Variants in ZNF34 observed in about 807,000 individuals in gnomAD.
The protein encoded by ZNF34 is zinc finger protein 34.
In ZNF34, 8 loss-of-function variants were observed where a neutral mutation model predicts 14.4. The observed-to-expected ratio is 0.55, with a 90% CI of 0.33 to 1.00. The LOEUF is 1.00. Among genes scored for constraint, ZNF34 ranks in the 50% least tolerant of loss-of-function variants. The pLI, the probability that ZNF34 is intolerant of heterozygous loss-of-function variation, is 0.03. For missense variants in ZNF34, 538 were observed against 674.2 expected (o/e 0.80, Z 2.24); for synonymous variants, 235 against 247.9 (o/e 0.95, Z 0.49).
intron 1 of ZNF34, among the ~76,000 whole-genome samples, chr8:144,780,807 A>T (rs1416898291): frequency 6.6e-6 from 1 of 151,570 alleles, no homozygotes; most frequent in Non-Finnish European, 1.5e-5. Context: ...AGAAAAGCAA[A>T]GAAAGCGAAA....
At chr8:144,774,803 TC>T (rs1226256245) in intron 5 of ZNF34, among the ~76,000 whole-genome samples, 198 bp from the exon 6 acceptor site, 3 of 152,124 alleles carry the variant, frequency 2.0e-5, no homozygotes, top group South Asian at 2.1e-4. Flanking sequence ...AAACATTCAC[TC>T]CTTCCTTCCT....
Position 144,777,949 on chromosome 8 carries a change from G to T in ZNF34, c.160+89C>A. The T allele has an allele frequency of 6.4e-7, 1 of 1,552,344 alleles. No homozygotes were observed. The highest frequency in any genetic ancestry group is 8.8e-7 in the Non-Finnish European group (1 of 1,142,760). ...GGGATAAAGGTCATCACCTATCTGT[G>T]CCCAGGGGGTGAGGCCCCTAGCCCA... On this transcript the variant is annotated intron_variant, in intron 4 of 5. Coordinates refer to ENST00000429371, the MANE Select transcript of ZNF34 (RefSeq NM_001286769.2). This position sits in a 1 kb window ranked among gnomAD's most constrained non-coding sequence, Gnocchi z 4.8.
At chr8:144,776,583 C>T (rs1008945539) in intron 5 of ZNF34, among the ~76,000 whole-genome samples, 8 of 145,488 alleles carry the variant, frequency 5.5e-5, no homozygotes, top group African/African-American at 7.7e-5. Context: ...GGTGACAGAG[C>T]GAGACTCTGT....
At chr8:144,778,275 A>G in intron 3 of ZNF34, 111 bp from the exon 4 acceptor site, 2 of 1,474,850 alleles carry the variant, frequency 1.4e-6, no homozygotes, top group Non-Finnish European at 1.8e-6. Context: ...GGCCTGACCC[A>G]TCTGCCACCG....
At chr8:144,775,830 C>A (rs1367644241) in intron 5 of ZNF34, among the ~76,000 whole-genome samples, 1 of 121,134 alleles carries the variant, frequency 8.3e-6, no homozygotes. Flanking sequence ...TTCAAATAAG[C>A]AAATTTACAA....
At chr8:144,784,249 G>C (rs1221062763) in intron 1 of ZNF34, among the ~76,000 whole-genome samples, 1 of 151,414 alleles carries the variant, frequency 6.6e-6, no homozygotes, top group East Asian at 1.9e-4. Context: ...TCAAGACTTA[G>C]GCTATGGTAA....
chr8:144,774,996 C>G (rs1441626452), intron 5 of ZNF34, among the ~76,000 whole-genome samples: 1 of 152,220 alleles, frequency 6.6e-6, no homozygotes, highest in Admixed American at 6.5e-5. Flanking sequence ...AACAACTCAC[C>G]TACCTTTCTG....
intron 1 of ZNF34, among the ~76,000 whole-genome samples, chr8:144,781,898 G>A (rs1051655516): frequency 6.6e-6 from 1 of 152,194 alleles, no homozygotes; most frequent in Non-Finnish European, 1.5e-5. Context: ...TATTCAGCAA[G>A]AAATCAAATG....
chr8:144,784,529 G>A (rs569892152), intron 1 of ZNF34, among the ~76,000 whole-genome samples: 1 of 150,668 alleles, frequency 6.6e-6, no homozygotes, highest in South Asian at 2.1e-4. Context: ...GGAGGCCGAG[G>A]TGAGTGGATC....
chr8:144,776,574 G>C (rs1351384292), intron 5 of ZNF34, among the ~76,000 whole-genome samples: 2 of 152,050 alleles, frequency 1.3e-5, no homozygotes, highest in Non-Finnish European at 2.9e-5. Context: ...TCCAGCCTGG[G>C]TGACAGAGCG....
intron 1 of ZNF34, among the ~76,000 whole-genome samples, chr8:144,786,527 G>A (rs535321505): frequency 2.6e-5 from 4 of 151,620 alleles, no homozygotes; most frequent in Admixed American, 6.6e-5. Context: ...CCAGGTATTC[G>A]GGAGGCTGAG....
At chr8:144,783,547 A>C (rs1336977870) in intron 1 of ZNF34, among the ~76,000 whole-genome samples, 1 of 152,224 alleles carries the variant, frequency 6.6e-6, no homozygotes, top group Non-Finnish European at 1.5e-5. Flanking sequence ...TCAACAGAGA[A>C]TAATTAATAC....
Position 144,773,609 on chromosome 8 carries a change from T to A in ZNF34, c.1277A>T (p.Tyr426Phe). The change falls in exon 6 of 6, where the codon TAT becomes TTT. Residue 426 changes from tyrosine to phenylalanine, a missense_variant. Physicochemically the swap from Tyr to Phe is conservative, Grantham distance 22. Transcript: ENST00000429371. This position sits in a 1 kb window ranked among gnomAD's most constrained non-coding sequence, Gnocchi z 5.4. ...HQRSHTGEKP[Y>F]ECNDCGKVFS... Reference sequence around the variant, plus strand: ...AACTTTGCCACAGTCATTGCATTCATAGGGCTTCTCTCCAGTGTGGCTTCT... The same window carrying A: ...AACTTTGCCACAGTCATTGCATTCAAAGGGCTTCTCTCCAGTGTGGCTTCT... 6.2e-7 allele frequency: 1 copy of A among 1,614,204 alleles called. No individual in the cohort carries two copies. The highest frequency in any genetic ancestry group is 8.5e-7 in the Non-Finnish European group (1 of 1,180,028).
intron 1 of ZNF34, among the ~76,000 whole-genome samples, chr8:144,786,904 G>A (rs1262833783): frequency 2.0e-5 from 3 of 152,188 alleles, no homozygotes; most frequent in East Asian, 3.9e-4. Context: ...GACAGGAGAG[G>A]AGCGTGGGAG....
At chr8:144,776,757 A>G (rs1272969255) in intron 5 of ZNF34, among the ~76,000 whole-genome samples, 2 of 151,724 alleles carry the variant, frequency 1.3e-5, no homozygotes, top group African/African-American at 2.4e-5. Context: ...AAAAAAATCA[A>G]AAAATTAGTG....
Position 144,778,149 on chromosome 8 carries a change from C to T in ZNF34, c.49G>A (p.Glu17Lys), listed in dbSNP as rs752626928. Reference protein sequence around the residue: ...SAPPQAEVTFEDVAVYLSREE... With the variant: ...SAPPQAEVTFKDVAVYLSREE... ...CGGGAGAGGTACACAGCCACGTCCT[C>T]GAAGGTCACCTCGGCCTGGAATGAC... The change falls in exon 4 of 6, where the codon GAG becomes AAG. Residue 17 changes from glutamate to lysine, a missense_variant. Glu to Lys is a moderately conservative substitution (Grantham distance 56, BLOSUM62 1). Transcript: ENST00000429371. The T allele has an allele frequency of 2.4e-5, 38 of 1,613,064 alleles. No homozygotes were observed. Among genetic ancestry groups the T allele is most frequent in the East Asian group, 4.5e-5 (2 of 44,870 alleles).
At chr8:144,780,325 G>T (rs1346939370) in intron 1 of ZNF34, 45 bp from the exon 2 acceptor site, 6 of 1,373,122 alleles carry the variant, frequency 4.4e-6, no homozygotes, top group South Asian at 1.2e-5. Flanking sequence ...GTTAATATTA[G>T]ATCAAACACT....
At chr8:144,786,298 T>A (rs1321892669) in intron 1 of ZNF34, among the ~76,000 whole-genome samples, 1 of 151,896 alleles carries the variant, frequency 6.6e-6, no homozygotes, top group Non-Finnish European at 1.5e-5. Flanking sequence ...CATACATATG[T>A]AGATTTTTAA....
chr8:144,785,106 C>CAA (rs749277788), intron 1 of ZNF34, among the ~76,000 whole-genome samples: 583 of 49,692 alleles, frequency 0.012, 47 homozygotes, highest in African/African-American at 0.038. Flanking sequence ...CAGACCCTGC[C>CAA]AAAAAAAAAA....
Sources: gnomAD v4.1 joint callset for allele counts (sites outside exome capture counted in the v4.1 genomes callset) on GRCh38, gnomAD v4.1.1 for gene constraint, Gnocchi (gnomAD v3.1) non-coding constraint, MANE v1.5 for transcripts, NCBI Gene and HGNC (gene_info 2026-07-23, HGNC 2026-07-21) for gene names.